The following PCM1 variants were observed in gnomAD, a reference collection of about 807,000 sequenced individuals.
PCM1 encodes the protein pericentriolar material 1 protein.
A neutral mutation model predicts 241.9 loss-of-function variants in PCM1; 157 were observed. The ratio of observed to expected loss-of-function variants is 0.65; its 90% CI spans 0.57 to 0.74. The LOEUF (loss-of-function observed/expected upper bound fraction) is 0.74. Ranked by LOEUF, PCM1 falls within the 30% of genes least tolerant of loss-of-function variation. The pLI, the probability that PCM1 is intolerant of heterozygous loss-of-function variation, is 0.00. For missense variants in PCM1, 3,478 were observed against 2,360.1 expected (o/e 1.47, Z -9.81); for synonymous variants, 1,085 against 784.9 (o/e 1.38, Z -6.39).
intron 35 of PCM1, 59 bp downstream of exon 35, chr8:18,014,095 T>TG: frequency 1.6e-6 from 1 of 615,104 alleles, no homozygotes; most frequent in East Asian, 3.8e-5. Context: ...GCTTTAAAGC[T>TG]AAAAAAAAAA....
At position 17,939,018 on chromosome 8, in the gene PCM1, G is replaced by C; in HGVS notation, c.612+9G>C. ...CAATGGAGAGCAGCCAGGTGATAACGTTTGTTTCTTTTGCTCATTCTTTAC... is the reference window on the plus strand; with the variant it reads ...CAATGGAGAGCAGCCAGGTGATAACCTTTGTTTCTTTTGCTCATTCTTTAC... On this transcript the variant is annotated intron_variant, in intron 5 of 38. Coordinates refer to ENST00000325083, the MANE Select transcript of PCM1 (RefSeq NM_006197.4). The C allele has an allele frequency of 6.2e-7, 1 of 1,612,720 alleles. No homozygotes were observed. Among genetic ancestry groups the C allele is most frequent in the East Asian group, 2.2e-5 (1 of 44,860 alleles).
intron 36 of PCM1, among the ~76,000 whole-genome samples, chr8:18,018,544 C>G (rs948131898): frequency 2.0e-5 from 3 of 152,040 alleles, no homozygotes; most frequent in Admixed American, 1.3e-4. Flanking sequence ...GTTAAGAAAT[C>G]CATCACACCT....
chr8:17,986,448 A>G (rs2129477197), intron 26 of PCM1, among the ~76,000 whole-genome samples: 2 of 151,510 alleles, frequency 1.3e-5, no homozygotes, highest in East Asian at 3.9e-4. Flanking sequence ...ACTTGAATGA[A>G]TAAATACAGG....
At position 17,960,372 on chromosome 8, in the gene PCM1, GGAA is replaced by G; in HGVS notation, c.2254_2256del (p.Glu752del). The G allele has an allele frequency of 6.2e-7, 1 of 1,608,142 alleles. No individual in the cohort carries two copies. Among genetic ancestry groups the G allele is most frequent in the Non-Finnish European group, 8.5e-7 (1 of 1,178,120 alleles). On this transcript the variant is annotated inframe_deletion, in exon 15 of 39. Coordinates refer to ENST00000325083, the MANE Select transcript of PCM1 (RefSeq NM_006197.4). The stretch of plus-strand genomic sequence containing the variant: ...AACAGAGAGAGCTAAAACAATTGCA[GGAA>G]GAAAGAAAGAAACTGATTGACATTC...
intron 2 of PCM1, among the ~76,000 whole-genome samples, chr8:17,932,327 A>G (rs1162463823): frequency 6.6e-6 from 1 of 152,138 alleles, no homozygotes; most frequent in African/African-American, 2.4e-5. Context: ...TCAAAAATTC[A>G]GTTTTAGTTC....
At chr8:17,937,408 T>C (rs1427937333) in intron 4 of PCM1, 29 bp downstream of exon 4, 2 of 1,513,768 alleles carry the variant, frequency 1.3e-6, no homozygotes, top group South Asian at 1.3e-5. Flanking sequence ...AAAATGAAGC[T>C]ATTACTGTGA....
chr8:18,024,486 TCACTA>T, intron 36 of PCM1, among the ~76,000 whole-genome samples: 1 of 152,328 alleles, frequency 6.6e-6, no homozygotes, highest in South Asian at 2.1e-4. Context: ...TTTGTTTGCC[TCACTA>T]CGAGTACAAT....
At chr8:17,942,382 G>A (rs771244564) in intron 6 of PCM1, among the ~76,000 whole-genome samples, 16 of 151,152 alleles carry the variant, frequency 1.1e-4, no homozygotes, top group East Asian at 3.9e-4. Context: ...CAGGAGAATC[G>A]CTTCAACCTA....
chr8:17,946,277 T>A (rs1396270895), intron 6 of PCM1, among the ~76,000 whole-genome samples: 1 of 152,170 alleles, frequency 6.6e-6, no homozygotes, highest in Non-Finnish European at 1.5e-5. Flanking sequence ...TGAGCATAAT[T>A]TAAGAGGAAA....
chr8:17,930,070 A>G (rs931369764), intron 2 of PCM1, among the ~76,000 whole-genome samples: 3 of 149,080 alleles, frequency 2.0e-5, no homozygotes, highest in Admixed American at 2.0e-4. Context: ...TATTCTGTAC[A>G]TCCTTAGTCT....
rs367852521 is a variant in PCM1 at position 17,952,966 on chromosome 8, T to G, written c.1072-4T>G. On this transcript the variant is annotated splice_region_variant and splice_polypyrimidine_tract_variant and intron_variant, in intron 8 of 38. Coordinates refer to ENST00000325083, the MANE Select transcript of PCM1 (RefSeq NM_006197.4). ...CTTCTTTTTTGTTGTTTTTTTTTAATAAGCCTCCAGCTGTTCCAGACAATA... is the reference window on the plus strand; with the variant it reads ...CTTCTTTTTTGTTGTTTTTTTTTAAGAAGCCTCCAGCTGTTCCAGACAATA... The G allele has an allele frequency of 9.4e-5, 143 of 1,522,996 alleles. No homozygotes were observed. In the African/African-American group the frequency reaches 1.9e-3, roughly 20 times the overall value. The allele number at this position is 1,522,996 out of a possible 1,614,324, so 94.3% of individuals were successfully genotyped here. A position where few individuals can be genotyped will look rare whatever the true frequency, so the allele number is the denominator to read the frequency against.
At chr8:17,962,862 C>T (rs1030321464) in intron 16 of PCM1, 16 of 345,248 alleles carry the variant, frequency 4.6e-5, no homozygotes, top group African/African-American at 2.9e-4. Context: ...GAGATCACAC[C>T]ACTGCACTCC....
intron 29 of PCM1, among the ~76,000 whole-genome samples, chr8:17,996,972 G>C (rs911949165): frequency 2.0e-5 from 3 of 151,978 alleles, no homozygotes; most frequent in African/African-American, 4.8e-5. Context: ...ATAATATTCT[G>C]TGTACTTTCT....
At chr8:17,970,923 C>T (rs181818622) in intron 22 of PCM1, among the ~76,000 whole-genome samples, 154 of 152,102 alleles carry the variant, frequency 1.0e-3, no homozygotes, top group Middle Eastern at 3.4e-3. Context: ...AGATAAAATC[C>T]TGTAGTCTTA....
intron 14 of PCM1, 66 bp downstream of exon 14, chr8:17,960,231 T>C (rs2071035771): frequency 3.9e-6 from 6 of 1,552,896 alleles, no homozygotes; most frequent in Non-Finnish European, 5.3e-6. Context: ...GAGAAGGTGC[T>C]CAGCTAGGTA....
chr8:17,997,310 T>C (rs2087235013), intron 29 of PCM1, among the ~76,000 whole-genome samples: 1 of 152,222 alleles, frequency 6.6e-6, no homozygotes, highest in African/African-American at 2.4e-5. Flanking sequence ...TTGCTGCTTT[T>C]AGGGTCCTTT....
At chr8:18,010,724 CG>C (rs1399364202) in intron 32 of PCM1, 56 bp downstream of exon 32, 42 of 1,299,450 alleles carry the variant, frequency 3.2e-5, no homozygotes, top group Non-Finnish European at 4.0e-5. Flanking sequence ...GGCTCACCCC[CG>C]TAATCGCAGC....
intron 2 of PCM1, chr8:17,927,531 T>C (rs911655357): frequency 6.6e-6 from 1 of 152,258 alleles, no homozygotes; most frequent in South Asian, 2.1e-4. Flanking sequence ...GTAATATGTC[T>C]CTATAGTTAG....
intron 19 of PCM1, 50 bp from the exon 20 acceptor site, chr8:17,966,278 A>T (rs1391945489): frequency 6.2e-7 from 1 of 1,608,166 alleles, no homozygotes; most frequent in Non-Finnish European, 8.5e-7. Context: ...AAGCAATACA[A>T]ATTTTTCTCA....
Sources: allele counts gnomAD v4.1 joint callset (sites outside exome capture counted in the v4.1 genomes callset), GRCh38; gene constraint gnomAD v4.1.1; transcripts MANE v1.5; gene names NCBI Gene and HGNC (gene_info 2026-07-23, HGNC 2026-07-21).